RPAP1: variants seen among roughly 807,000 people sequenced by gnomAD.
RPAP1 encodes RNA polymerase II-associated protein 1.
RPAP1 carries 109 observed loss-of-function variants against 142.4 expected under a neutral mutation model. The ratio of observed to expected loss-of-function variants is 0.77; its 90% CI spans 0.66 to 0.90. The LOEUF (loss-of-function observed/expected upper bound fraction) is 0.90, where lower values mean the gene tolerates loss of function less well. Ranked by LOEUF, RPAP1 falls within the 40% of genes least tolerant of loss-of-function variation. RPAP1 has a pLI of 0.00. For missense variants in RPAP1, 1,546 were observed against 1,751.7 expected, an observed-to-expected ratio of 0.88 and a Z score of 2.10; for synonymous variants, 704 against 738.9, an observed-to-expected ratio of 0.95 and a Z score of 0.77.
chr15:41,517,653 A>G lies in RPAP1; in HGVS notation c.4071T>C (p.Asn1357=). 6.2e-7 allele frequency: 1 copy of G among 1,612,710 alleles called. No homozygotes were observed. Among genetic ancestry groups the G allele is most frequent in the Non-Finnish European group, 8.5e-7 (1 of 1,179,200 alleles). Residue 1357 remains asparagine, a synonymous_variant, in exon 25 of 25, where the codon AAT becomes AAC. Coordinates refer to ENST00000304330, the MANE Select transcript of RPAP1 (RefSeq NM_015540.4). ...GCTCAAAGCCCTCTGGGAGCGTGGA[A>G]TTGGGAAGCTTATAGTGCAGGAGGT... The part of the protein sequence containing the change: ...RQHLLHYKLP[N]STLPEGFELY...
In RPAP1 at chr15:41,525,716, G is replaced by A. The variant is rs1595483013; in HGVS notation, c.1918-568C>T. On this transcript the variant is annotated intron_variant, in intron 14 of 24. Coordinates refer to ENST00000304330, the MANE Select transcript of RPAP1 (RefSeq NM_015540.4). ...GTCGCCCAGGCTGGAGTGCAGTGGC[G>A]CAATCTCGGCTCACTGCAATCTCTG... 2.0e-5 allele frequency among the ~76,000 whole-genome samples: 3 copies of A among 151,922 alleles called. 1 individual carries two copies. Among genetic ancestry groups the A allele is most frequent in the Admixed American group, 2.0e-4 (3 of 15,224 alleles).
In RPAP1 at chr15:41,537,024, CT is replaced by C. The variant is rs1409471703; in HGVS notation, c.101del (p.Lys34ArgfsTer24). On this transcript the variant is annotated frameshift_variant, in exon 2 of 25. Transcript: ENST00000304330. LOFTEE classifies it high-confidence loss of function. ...AGAAPAVQLV[K>X]KGNRGGGDAN... ...CATCACCACCGCCCCTATTTCCTTTCTTCACCAACTGCACTGCTGGGGCTGC... is the reference window on the plus strand; with the variant it reads ...CATCACCACCGCCCCTATTTCCTTTCTCACCAACTGCACTGCTGGGGCTGC... 2 of 1,614,142 alleles carry C rather than the reference CT, an allele frequency of 1.2e-6. No individual in the cohort carries two copies. The highest frequency in any genetic ancestry group is 3.3e-5 in the Admixed American group (2 of 60,018).
chr15:41,534,436 A>C (rs1315064281), intron 6 of RPAP1, among the ~76,000 whole-genome samples: 1 of 151,200 alleles, frequency 6.6e-6, no homozygotes, highest in Non-Finnish European at 1.5e-5. Context: ...AAAAAAAAAA[A>C]TTAGCTGAGT....
Position 41,529,533 on chromosome 15 carries a change from T to C in RPAP1, c.1095A>G (p.Leu365=). Residue 365 remains leucine, a synonymous_variant, in exon 9 of 25, where the codon CTA becomes CTG. Coordinates refer to ENST00000304330, the MANE Select transcript of RPAP1 (RefSeq NM_015540.4). The part of the protein sequence containing the change: ...MQARFSLQGE[L]LAPDVDLPTH... ...TGGGCAGGTCCACGTCAGGGGCCAG[T>C]AGTTCTCCCTGAAGACTGAATCGAG... is the stretch of plus-strand genomic sequence containing the variant. The C allele has an allele frequency of 6.2e-7, 1 of 1,613,510 alleles. No individual in the cohort carries two copies. Among genetic ancestry groups the C allele is most frequent in the Non-Finnish European group, 8.5e-7 (1 of 1,179,730 alleles).
Position 41,523,262 on chromosome 15 carries a change from G to A in RPAP1, c.2529C>T (p.Ser843=), listed in dbSNP as rs149417000. The A allele has an allele frequency of 2.2e-5, 36 of 1,604,516 alleles. No homozygotes were observed. In the African/African-American group the frequency reaches 4.6e-4, roughly 20 times the overall value. The stretch of plus-strand genomic sequence containing the variant: ...GTACATACCTAAGGGAATCCCACAG[G>A]CTGCCCAGTGTGGGCTGACTCAGCA... ...LPLLSQPTLG[S]LWDSLRHCSL... The change falls in exon 18 of 25, where the codon AGC becomes AGT. Residue 843 remains serine (S), a synonymous_variant. Transcript: ENST00000304330.
At chr15:41,539,649 C>T (rs1210925835) in intron 1 of RPAP1, among the ~76,000 whole-genome samples, 4 of 152,020 alleles carry the variant, frequency 2.6e-5, no homozygotes, top group African/African-American at 9.7e-5. Context: ...AGGCTGGTCT[C>T]GATCTCCTGG....
chr15:41,536,308 G>A (rs1305293782), intron 3 of RPAP1, 90 bp from the exon 4 acceptor site: 3 of 1,377,640 alleles, frequency 2.2e-6, no homozygotes, highest in Admixed American at 1.8e-5. Context: ...TGAACGATGA[G>A]AACCTCACTC....
In RPAP1 at chr15:41,525,092, T is replaced by C. The variant is rs751490768; in HGVS notation, c.1974A>G (p.Gln658=). 14 of 1,613,842 alleles carry C rather than the reference T, an allele frequency of 8.7e-6. No homozygotes were observed. In the South Asian group the frequency reaches 1.4e-4, roughly 16 times the overall value. Residue 658 remains glutamine, a synonymous_variant, in exon 15 of 25, where the codon CAA becomes CAG. Coordinates refer to ENST00000304330, the MANE Select transcript of RPAP1 (RefSeq NM_015540.4). ...CTTCCTCTGGGGGCAAGGCCAGTTCTTGGGGAGCCTCAGCTATGATGCGGC... is the reference window on the plus strand; with the variant it reads ...CTTCCTCTGGGGGCAAGGCCAGTTCCTGGGGAGCCTCAGCTATGATGCGGC... ...RLCRIIAEAP[Q]ELALPPEEAE...
At position 41,528,288 on chromosome 15, in the gene RPAP1, C is replaced by G; in HGVS notation, c.1207G>C (p.Val403Leu). ...AGTGCCAGTGCTCTCTGCTGGGAAA[C>G]CTGGCTGCGGGTCAGGTGGAACAGC... ...QELFHLTRSQVSQQRALALHV... is the reference protein window; with the variant it reads ...QELFHLTRSQLSQQRALALHV... The change falls in exon 10 of 25, where the codon GTT (valine) becomes CTT (leucine). Residue 403 changes from valine to leucine, a missense_variant. Physicochemically the swap from Val to Leu is conservative, Grantham distance 32. Transcript: ENST00000304330. 6.2e-7 allele frequency: 1 copy of G among 1,607,904 alleles called. No individual in the cohort carries two copies. The highest frequency in any genetic ancestry group is 1.1e-5 in the South Asian group (1 of 89,548).
chr15:41,528,040 G>C lies in RPAP1; in HGVS notation c.1261-13C>G. On this transcript the variant is annotated splice_polypyrimidine_tract_variant and intron_variant, in intron 10 of 24. Transcript: ENST00000304330. ...CACCAGCCTGGGCCTGAGGGCAGGA[G>C]GGTAAAACCTTGCTGAAGATGCTGA... The C allele has an allele frequency of 1.2e-6, 2 of 1,612,930 alleles. No homozygotes were observed. The highest frequency in any genetic ancestry group is 8.5e-7 in the Non-Finnish European group (1 of 1,179,518).
chr15:41,520,420 A>G lies in RPAP1; in HGVS notation c.3766T>C (p.Leu1256=), dbSNP rs1434968280. Residue 1256 remains leucine (L), a synonymous_variant, in exon 22 of 25, where the codon TTG becomes CTG. Coordinates refer to ENST00000304330, the MANE Select transcript of RPAP1 (RefSeq NM_015540.4). ...GTCAGAGGCAGGCTCAGAGCTCGCA[A>G]GGCTCCCACGTGTTCCCCAAAGAGG... ...LALFGEHVGA[L]RALSLPLTQL... 1 of 1,613,540 alleles carries G rather than the reference A, an allele frequency of 6.2e-7. No homozygotes were observed. The highest frequency in any genetic ancestry group is 1.3e-5 in the African/African-American group (1 of 74,928).
chr15:41,528,418 A>T (rs2051817144), intron 9 of RPAP1, 82 bp from the exon 10 acceptor site: 1 of 970,060 alleles, frequency 1.0e-6, no homozygotes, highest in African/African-American at 1.6e-5. Flanking sequence ...CACAGGAAAG[A>T]CAAAGATAAA....
intron 1 of RPAP1, among the ~76,000 whole-genome samples, chr15:41,538,529 C>CAT (rs58456784): frequency 1 from 152,101 of 152,268 alleles, 75,967 homozygotes; most frequent in Middle Eastern, 1. Flanking sequence ...AAAGAAAAAA[C>CAT]AAAAAAAATC....
rs755569443 is a variant in RPAP1, at chr15:41,517,610, G to C, written c.4114C>G (p.Pro1372Ala). The part of the protein sequence containing the change: ...EGFELYSQLP[P>A]LRQHYLQRLT... ...CTCTGGAGGTAGTGCTGACGCAGAG[G>C]GGGCAACTGAGAATAGAGCTCAAAG... Residue 1372 changes from proline to alanine, a missense_variant, in exon 25 of 25, where the codon CCT becomes GCT. Transcript: ENST00000304330. 6.8e-6 allele frequency: 11 copies of C among 1,610,790 alleles called. No homozygotes were observed. Among genetic ancestry groups the C allele is most frequent in the African/African-American group, 2.7e-5 (2 of 74,924 alleles).
At position 41,528,321 on chromosome 15, in the gene RPAP1, G is replaced by C. The variant is rs1766418757; in HGVS notation, c.1174C>G (p.Leu392Val). Residue 392 changes from leucine (L) to valine (V), a missense_variant, in exon 10 of 25, where the codon CTA becomes GTA. Physicochemically the swap from Leu to Val is conservative, Grantham distance 32. This residue lies in a region of RPAP1 where 1,333 missense variants were observed against 1,486.6 expected (regional missense o/e 0.90). Transcript: ENST00000304330. The part of the protein sequence containing the change: ...GEEAERAGYS[L>V]QELFHLTRSQ... ...CGGGTCAGGTGGAACAGCTCCTGTA[G>C]GGAATACCCCGCTCTCTGGGGCAGG... The C allele has an allele frequency of 6.3e-7, 1 of 1,596,124 alleles. No individual in the cohort carries two copies. Among genetic ancestry groups the C allele is most frequent in the African/African-American group, 1.3e-5 (1 of 74,712 alleles).
At chr15:41,528,211 G>A (rs1353772653) in intron 10 of RPAP1, 24 bp downstream of exon 10, 1 of 1,579,612 alleles carries the variant, frequency 6.3e-7, no homozygotes, top group South Asian at 1.1e-5. Flanking sequence ...AGGGTGGGCA[G>A]GACCAGGCTG....
chr15:41,534,360 G>A (rs2051886057), intron 6 of RPAP1, among the ~76,000 whole-genome samples: 1 of 151,648 alleles, frequency 6.6e-6, no homozygotes, highest in Non-Finnish European at 1.5e-5. Flanking sequence ...GGAGGTTGTG[G>A]TGAGCCGAGA....
At chr15:41,531,647 T>A (rs1344231099) in intron 6 of RPAP1, among the ~76,000 whole-genome samples, 39 of 78,110 alleles carry the variant, frequency 5.0e-4, no homozygotes, top group African/African-American at 1.5e-3. Flanking sequence ...TTTTTTTTTT[T>A]TTTTTTTTTT....
chr15:41,521,273 T>G, intron 21 of RPAP1, 126 bp from the exon 22 acceptor site: 2 of 922,298 alleles, frequency 2.2e-6, no homozygotes, highest in Non-Finnish European at 3.2e-6. Flanking sequence ...CCTTAACTAC[T>G]TCCCGCGCAG....
Sources: allele counts gnomAD v4.1 joint callset (sites outside exome capture counted in the v4.1 genomes callset), GRCh38; gene constraint gnomAD v4.1.1; regional missense constraint gnomAD v4.1.1; transcripts MANE v1.5; gene names NCBI Gene and HGNC (gene_info 2026-07-23, HGNC 2026-07-21).